The following MTMR7 variants were observed in gnomAD, a reference collection of about 807,000 sequenced individuals.
The protein encoded by MTMR7 is myotubularin related protein 7.
Under a neutral mutation model 81.2 loss-of-function variants are expected in MTMR7, and 76 were observed. The ratio of observed to expected loss-of-function variants is 0.94; its 90% CI spans 0.78 to 1.13. The LOEUF is 1.13. MTMR7 is among the 50% of genes most tolerant of loss of function. MTMR7 has a pLI of 0.00. For synonymous variants in MTMR7, 372 were observed against 289.8 expected (o/e 1.28, Z -2.88); for missense variants, 1,044 against 820.0 (o/e 1.27, Z -3.34).
intron 3 of MTMR7, among the ~76,000 whole-genome samples, chr8:17,365,235 G>C (rs893976750): frequency 3.9e-5 from 6 of 152,062 alleles, no homozygotes; most frequent in African/African-American, 1.4e-4. Flanking sequence ...GTCTCTTGAG[G>C]TCCCTTGTCC....
intron 8 of MTMR7, 57 bp downstream of exon 8, chr8:17,313,235 T>G: frequency 7.6e-7 from 1 of 1,322,430 alleles, no homozygotes; most frequent in Non-Finnish European, 1.1e-6. Context: ...GATACCCATT[T>G]TGAAGTCAGT....
intron 7 of MTMR7, among the ~76,000 whole-genome samples, chr8:17,320,811 G>A (rs1032487557): frequency 4.6e-5 from 7 of 152,182 alleles, no homozygotes; most frequent in African/African-American, 1.7e-4. Flanking sequence ...GGAAAGCATG[G>A]CAAATTCCAG....
chr8:17,400,995 G>A (rs765203719), intron 1 of MTMR7, among the ~76,000 whole-genome samples: 24 of 152,108 alleles, frequency 1.6e-4, no homozygotes, highest in Admixed American at 2.6e-4. Context: ...AGAACACACG[G>A]TCTGTTATAG....
chr8:17,328,111 G>A (rs1406812545), intron 7 of MTMR7, among the ~76,000 whole-genome samples: 1 of 152,114 alleles, frequency 6.6e-6, no homozygotes, highest in African/African-American at 2.4e-5. Flanking sequence ...AGCTACTCGT[G>A]GGGAGAAAGT....
chr8:17,318,750 A>G (rs1192292832), intron 7 of MTMR7, among the ~76,000 whole-genome samples: 1 of 152,052 alleles, frequency 6.6e-6, no homozygotes, highest in Non-Finnish European at 1.5e-5. Flanking sequence ...GCCCACTCCA[A>G]TCTGTCCTCA....
intron 5 of MTMR7, among the ~76,000 whole-genome samples, chr8:17,343,658 T>C (rs571744039): frequency 2.4e-4 from 37 of 152,364 alleles, no homozygotes; most frequent in African/African-American, 8.7e-4. Flanking sequence ...TGAGGAACTA[T>C]ACTGGAACTG....
At chr8:17,372,189 T>G (rs187774349) in intron 2 of MTMR7, among the ~76,000 whole-genome samples, 1 of 152,242 alleles carries the variant, frequency 6.6e-6, no homozygotes, top group East Asian at 1.9e-4. Context: ...TCCCCTCCAC[T>G]AAGAAGTGCC....
chr8:17,404,564 C>G lies in MTMR7; in HGVS notation c.24+8705G>C, dbSNP rs199828853. On this transcript the variant is annotated intron_variant, in intron 1 of 13. Transcript: ENST00000180173. ...AAATTCAATCTCAACAGTAAACAAA[C>G]ATAAATTGATGAGAAACCATACTTC... Among the ~76,000 whole-genome samples, 3 of 143,944 alleles carry G rather than the reference C, an allele frequency of 2.1e-5. No individual in the cohort carries two copies. The South Asian group carries it at 6.7e-4, about 32-fold the overall frequency. 94.4% of individuals were successfully genotyped at this position (143,944 alleles called of 152,430 possible). A position where few individuals can be genotyped will look rare whatever the true frequency, so the allele number is the denominator to read the frequency against.
At chr8:17,323,096 C>T (rs891316416) in intron 7 of MTMR7, among the ~76,000 whole-genome samples, 6 of 151,656 alleles carry the variant, frequency 4.0e-5, no homozygotes, top group African/African-American at 1.5e-4. Context: ...TACAGGCATA[C>T]ACCACCACGC....
intron 7 of MTMR7, among the ~76,000 whole-genome samples, chr8:17,326,760 G>A (rs1300281025): frequency 6.6e-6 from 1 of 152,164 alleles, no homozygotes; most frequent in Non-Finnish European, 1.5e-5. Context: ...ACTTCCTGAT[G>A]AGAACGCAGC....
chr8:17,409,450 C>A (rs1440794797), intron 1 of MTMR7, among the ~76,000 whole-genome samples: 1 of 152,114 alleles, frequency 6.6e-6, no homozygotes, highest in Non-Finnish European at 1.5e-5. Context: ...GGCCACAGAG[C>A]AAGACTCGGC....
chr8:17,308,110 T>C (rs1817579119), intron 10 of MTMR7, among the ~76,000 whole-genome samples: 1 of 152,104 alleles, frequency 6.6e-6, no homozygotes, highest in South Asian at 2.1e-4. Context: ...GATTTATATT[T>C]GCATAAAGGG....
At chr8:17,376,376 C>T (rs1820588170) in intron 1 of MTMR7, among the ~76,000 whole-genome samples, 1 of 152,154 alleles carries the variant, frequency 6.6e-6, no homozygotes, top group Admixed American at 6.5e-5. Context: ...TTTTGACTAC[C>T]AGGAATAATG....
intron 1 of MTMR7, among the ~76,000 whole-genome samples, chr8:17,396,330 A>G (rs1407440182): frequency 6.6e-6 from 1 of 152,212 alleles, no homozygotes; most frequent in Non-Finnish European, 1.5e-5. Context: ...TGACAAGGGT[A>G]ACAAAGACAG....
At chr8:17,382,121 C>T (rs912172892) in intron 1 of MTMR7, among the ~76,000 whole-genome samples, 1 of 152,178 alleles carries the variant, frequency 6.6e-6, no homozygotes. Flanking sequence ...ACTCGGTAAC[C>T]TGGATGGCCA....
rs749174292 is a variant in MTMR7, at chr8:17,309,317, C to T, written c.1111G>A (p.Glu371Lys). ...TGACCAAAGGAAATCCAGTCCTTTT[C>T]AATTAATACCTACACAAGAAAGAAT... ...RTLKGFMVLI[E>K]KDWISFGHKF... Residue 371 changes from glutamate to lysine, a missense_variant, in exon 10 of 14, where the codon GAA becomes AAA. Transcript: ENST00000180173. 1.3e-6 allele frequency: 2 copies of T among 1,561,216 alleles called. No individual in the cohort carries two copies. Among genetic ancestry groups the T allele is most frequent in the Non-Finnish European group, 1.8e-6 (2 of 1,132,780 alleles).
chr8:17,347,264 T>A (rs1489470531), intron 5 of MTMR7, among the ~76,000 whole-genome samples: 1 of 151,370 alleles, frequency 6.6e-6, no homozygotes, highest in Non-Finnish European at 1.5e-5. Flanking sequence ...CAAGCTGAAA[T>A]ACATTCAGAG....
intron 7 of MTMR7, among the ~76,000 whole-genome samples, chr8:17,317,128 A>ATG: frequency 6.6e-6 from 1 of 152,110 alleles, no homozygotes; most frequent in South Asian, 2.1e-4. Context: ...GCTTGCTTAT[A>ATG]TGTGTGTGTG....
intron 5 of MTMR7, among the ~76,000 whole-genome samples, chr8:17,343,941 A>G (rs1052062161): frequency 6.6e-6 from 1 of 152,226 alleles, no homozygotes; most frequent in Non-Finnish European, 1.5e-5. Flanking sequence ...CAGAGCACAG[A>G]TTAAAAACTC....
Sources: gnomAD v4.1 joint callset for allele counts (sites outside exome capture counted in the v4.1 genomes callset) on GRCh38, gnomAD v4.1.1 for gene constraint, MANE v1.5 for transcripts, NCBI Gene and HGNC (gene_info 2026-07-23, HGNC 2026-07-21) for gene names.